SLC25A13: variants seen among roughly 807,000 people sequenced by gnomAD.
SLC25A13 encodes the protein solute carrier family 25 member 13.
Under a neutral mutation model 85.5 loss-of-function variants are expected in SLC25A13, and 70 were observed. The observed-to-expected ratio is 0.82, with a 90% CI of 0.68 to 1.00. SLC25A13 has a LOEUF of 1.00. SLC25A13 is among the 50% of genes least tolerant of loss of function. SLC25A13 has a pLI of 0.00. For synonymous variants in SLC25A13, 259 were observed against 288.7 expected (o/e 0.90, Z 1.04); for missense variants, 765 against 819.8 (o/e 0.93, Z 0.82).
At position 96,292,052 on chromosome 7, in the gene SLC25A13, T is replaced by A. The variant is rs145486274; in HGVS notation, c.69+4846A>T. Among the ~76,000 whole-genome samples, 764 of 152,196 alleles carry A rather than the reference T, an allele frequency of 5.0e-3. 7 individuals carry two copies. The highest frequency in any genetic ancestry group is 0.018 in the African/African-American group (738 of 41,504). On this transcript the variant is annotated intron_variant, in intron 2 of 17. Coordinates refer to ENST00000265631, the MANE Select transcript of SLC25A13 (RefSeq NM_014251.3). Reference sequence around the variant, plus strand: ...TCAATAAAATACTGGCAAACCAAATTCAGCAGCACATCAAAATGCTTATCC... The same window carrying A: ...TCAATAAAATACTGGCAAACCAAATACAGCAGCACATCAAAATGCTTATCC...
At chr7:96,135,695 A>G (rs1792255546) in intron 14 of SLC25A13, among the ~76,000 whole-genome samples, 1 of 152,222 alleles carries the variant, frequency 6.6e-6, no homozygotes, top group Admixed American at 6.5e-5. Context: ...AGGCAACTTT[A>G]TAACAAAGGG....
At chr7:96,215,382 A>G (rs1795855770) in intron 4 of SLC25A13, among the ~76,000 whole-genome samples, 1 of 152,188 alleles carries the variant, frequency 6.6e-6, no homozygotes, top group Non-Finnish European at 1.5e-5. Context: ...GGCTTGATCC[A>G]CCACGCCTGG....
At chr7:96,145,787 G>A (rs762534950) in intron 14 of SLC25A13, among the ~76,000 whole-genome samples, 13 of 152,150 alleles carry the variant, frequency 8.5e-5, no homozygotes, top group Non-Finnish European at 1.6e-4. Context: ...TTCTTGATAT[G>A]TGTTTATAGA....
chr7:96,182,136 A>T (rs561164250), intron 11 of SLC25A13, among the ~76,000 whole-genome samples: 12 of 152,354 alleles, frequency 7.9e-5, no homozygotes, highest in African/African-American at 2.6e-4. Flanking sequence ...ATGATGTACA[A>T]GAAACTAAAG....
At chr7:96,299,916 A>G (rs942610892) in intron 1 of SLC25A13, among the ~76,000 whole-genome samples, 1 of 152,222 alleles carries the variant, frequency 6.6e-6, no homozygotes, top group South Asian at 2.1e-4. Context: ...TGTGGTAAAA[A>G]TATGGTTTTA....
intron 5 of SLC25A13, among the ~76,000 whole-genome samples, chr7:96,197,196 C>T (rs1795096407): frequency 6.6e-6 from 1 of 152,192 alleles, no homozygotes; most frequent in Non-Finnish European, 1.5e-5. Flanking sequence ...ATAAATTTGA[C>T]ACTAAGAAAT....
At chr7:96,292,130 C>A (rs182309641) in intron 2 of SLC25A13, among the ~76,000 whole-genome samples, 146 of 152,238 alleles carry the variant, frequency 9.6e-4, no homozygotes, top group African/African-American at 3.5e-3. Context: ...TCAACATACG[C>A]AAATCAATAA....
rs185616858 is a variant in SLC25A13 at position 96,186,384 on chromosome 7, G to A, written c.934-1373C>T. 6.8e-4 allele frequency among the ~76,000 whole-genome samples: 103 copies of A among 152,194 alleles called. 1 individual carries two copies. In the East Asian group the frequency reaches 0.015, roughly 21 times the overall value. ...GCGGAGGCTGCAGTGAGCCAAGATC[G>A]CGCCACTGCACTCCAGCCTGGGCAA... is the stretch of plus-strand genomic sequence containing the variant. On this transcript the variant is annotated intron_variant, in intron 9 of 17. Transcript: ENST00000265631.
intron 2 of SLC25A13, among the ~76,000 whole-genome samples, chr7:96,285,886 G>A (rs1798866287): frequency 6.6e-6 from 1 of 152,254 alleles, no homozygotes; most frequent in African/African-American, 2.4e-5. Context: ...ACAGAAAAAC[G>A]CATGTCGTTA....
At chr7:96,225,481 G>T (rs1400438255) in intron 4 of SLC25A13, among the ~76,000 whole-genome samples, 2 of 151,840 alleles carry the variant, frequency 1.3e-5, no homozygotes, top group East Asian at 3.9e-4. Context: ...GCATGTTGAG[G>T]CTGCAGTGAA....
intron 4 of SLC25A13, among the ~76,000 whole-genome samples, chr7:96,230,373 T>A (rs1796496321): frequency 6.6e-6 from 1 of 152,232 alleles, no homozygotes; most frequent in Non-Finnish European, 1.5e-5. Flanking sequence ...ATCCTCTTTC[T>A]GATCTGGCTC....
chr7:96,126,827 C>T (rs1041136550), intron 15 of SLC25A13, among the ~76,000 whole-genome samples: 5 of 152,128 alleles, frequency 3.3e-5, no homozygotes, highest in African/African-American at 1.2e-4. Context: ...TATGCTCAGT[C>T]TATTGTCTTG....
At chr7:96,201,227 G>T (rs938996340) in intron 5 of SLC25A13, among the ~76,000 whole-genome samples, 2 of 152,006 alleles carry the variant, frequency 1.3e-5, no homozygotes, top group Non-Finnish European at 2.9e-5. Flanking sequence ...ATTCATGGTC[G>T]GGCTGGGCAC....
At chr7:96,168,588 G>A (rs140302951) in intron 13 of SLC25A13, among the ~76,000 whole-genome samples, 37 of 152,242 alleles carry the variant, frequency 2.4e-4, no homozygotes, top group African/African-American at 7.5e-4. Context: ...GTATGTGCAG[G>A]CAAAATGCTT....
chr7:96,132,503 C>T (rs965514276), intron 14 of SLC25A13, among the ~76,000 whole-genome samples: 2 of 152,074 alleles, frequency 1.3e-5, no homozygotes, highest in Non-Finnish European at 2.9e-5. Context: ...CACAATAATT[C>T]GGATACATTT....
At chr7:96,292,384 G>C (rs1055895278) in intron 2 of SLC25A13, among the ~76,000 whole-genome samples, 7 of 152,062 alleles carry the variant, frequency 4.6e-5, no homozygotes, top group South Asian at 4.2e-4. Flanking sequence ...CAAGGATGCC[G>C]TCTCTCACCA....
At chr7:96,190,257 T>TA (rs1794794117) in intron 7 of SLC25A13, among the ~76,000 whole-genome samples, 1 of 151,640 alleles carries the variant, frequency 6.6e-6, no homozygotes, top group Non-Finnish European at 1.5e-5. Flanking sequence ...GCTAATTTTT[T>TA]TATATATACA....
intron 4 of SLC25A13, among the ~76,000 whole-genome samples, chr7:96,228,904 C>T (rs768197327): frequency 1.8e-4 from 27 of 152,184 alleles, no homozygotes; most frequent in Non-Finnish European, 3.4e-4. Context: ...GGCCCACCCA[C>T]GCTGCACTCG....
At chr7:96,172,821 C>T (rs907454615) in intron 11 of SLC25A13, among the ~76,000 whole-genome samples, 2 of 152,166 alleles carry the variant, frequency 1.3e-5, no homozygotes, top group East Asian at 2.0e-4. Flanking sequence ...TGCAGTGGCG[C>T]GATCTCGGCT....
Sources: allele counts gnomAD v4.1 joint callset (sites outside exome capture counted in the v4.1 genomes callset), GRCh38; gene constraint gnomAD v4.1.1; transcripts MANE v1.5; gene names NCBI Gene and HGNC (gene_info 2026-07-23, HGNC 2026-07-21).